BTC: variants seen among roughly 807,000 people sequenced by gnomAD.
BTC encodes the protein probetacellulin.
A neutral mutation model predicts 18.1 loss-of-function variants in BTC; 13 were observed. That is an observed-to-expected ratio of 0.72 (90% CI 0.47 to 1.14). The LOEUF is 1.14. Among genes scored for constraint, BTC ranks in the 50% most tolerant of loss-of-function variants. The pLI, the probability that BTC is intolerant of heterozygous loss-of-function variation, is 0.00. For missense variants in BTC, 247 were observed against 224.2 expected, an observed-to-expected ratio of 1.10 and a Z score of -0.65; for synonymous variants, 83 against 79.4, an observed-to-expected ratio of 1.05 and a Z score of -0.24.
At chr4:74,750,455 T>C in intron 4 of BTC, 118 bp downstream of exon 4, 2 of 1,065,740 alleles carry the variant, frequency 1.9e-6, no homozygotes, top group South Asian at 3.8e-5. Context: ...GCTCAAAAAG[T>C]AAATTTATTT....
rs115837065 is a variant in BTC at position 74,764,435 on chromosome 4, C to T, written c.163+5623G>A. Among the ~76,000 whole-genome samples the T allele has an allele frequency of 4.0e-3, 603 of 152,224 alleles. 7 individuals are homozygous for T. The highest frequency in any genetic ancestry group is 0.014 in the African/African-American group (579 of 41,546). ...AAATTTTGGTGCTGGAAGCAGAAAA[C>T]TGCCTAAGACAACAAAATGGCTTAG... On this transcript the variant is annotated intron_variant, in intron 2 of 5. Coordinates refer to ENST00000395743, the MANE Select transcript of BTC (RefSeq NM_001729.4).
At chr4:74,749,643 C>T (rs889726451) in intron 4 of BTC, among the ~76,000 whole-genome samples, 12 of 144,614 alleles carry the variant, frequency 8.3e-5, no homozygotes, top group African/African-American at 2.8e-4. Context: ...TCTGGGCAAG[C>T]TTCTCAAGAC....
intron 2 of BTC, among the ~76,000 whole-genome samples, chr4:74,765,374 T>C (rs1182676618): frequency 6.6e-6 from 1 of 152,054 alleles, no homozygotes; most frequent in Non-Finnish European, 1.5e-5. Flanking sequence ...CAGCAGACTA[T>C]GTCAAGCGAA....
chr4:74,773,897 C>T (rs1343631200), intron 1 of BTC, among the ~76,000 whole-genome samples: 4 of 151,150 alleles, frequency 2.6e-5, no homozygotes, highest in African/African-American at 9.9e-5. Flanking sequence ...CAGGCATGAG[C>T]CACCAAGCCC....
At position 74,789,075 on chromosome 4, in the gene BTC, G is replaced by A. The variant is rs551829310; in HGVS notation, c.64+5187C>T. Among the ~76,000 whole-genome samples the A allele has an allele frequency of 3.0e-4, 45 of 152,316 alleles. No homozygotes were observed. The South Asian group carries it at 6.6e-3, about 22-fold the overall frequency. ...GCTACTGACCTAGAAGGACTTCCTGGACTATCCCCACTGACATTCATTCAT... is the reference window on the plus strand; with the variant it reads ...GCTACTGACCTAGAAGGACTTCCTGAACTATCCCCACTGACATTCATTCAT... On this transcript the variant is annotated intron_variant, in intron 1 of 5. Transcript: ENST00000395743.
At position 74,749,164 on chromosome 4, in the gene BTC, T is replaced by C. The variant is rs544045945; in HGVS notation, c.429-1015A>G. On this transcript the variant is annotated intron_variant, in intron 4 of 5. Transcript: ENST00000395743. The stretch of plus-strand genomic sequence containing the variant: ...AAGTACTCTGGCCGGGCGCGGTGGC[T>C]CATGCCTGTAATCCCAGCACTTTGG... Among the ~76,000 whole-genome samples the C allele has an allele frequency of 2.6e-5, 4 of 152,068 alleles. No individual in the cohort carries two copies. In the East Asian group the frequency reaches 7.7e-4, roughly 29 times the overall value.
intron 2 of BTC, among the ~76,000 whole-genome samples, chr4:74,768,392 C>T (rs561018451): frequency 8.5e-5 from 13 of 152,184 alleles, no homozygotes; most frequent in African/African-American, 1.9e-4. Flanking sequence ...AAAGAAAGTA[C>T]GGTAGTACAT....
intron 2 of BTC, among the ~76,000 whole-genome samples, chr4:74,764,609 A>C (rs546892723): frequency 6.6e-6 from 1 of 152,336 alleles, no homozygotes; most frequent in Admixed American, 6.5e-5. Context: ...TGCATAAAGA[A>C]AATGTGGTTT....
chr4:74,778,727 G>A (rs781547383), intron 1 of BTC, among the ~76,000 whole-genome samples: 7 of 152,090 alleles, frequency 4.6e-5, no homozygotes, highest in Non-Finnish European at 1.0e-4. Flanking sequence ...TGACCCCTTG[G>A]TGACAGAGAG....
chr4:74,762,792 T>C (rs924228225), intron 2 of BTC, among the ~76,000 whole-genome samples: 6 of 152,186 alleles, frequency 3.9e-5, no homozygotes, highest in Admixed American at 6.5e-5. Flanking sequence ...TTTAAGGTAA[T>C]GCAGTTATTT....
intron 1 of BTC, among the ~76,000 whole-genome samples, chr4:74,774,888 A>C (rs1422265045): frequency 6.6e-6 from 1 of 152,136 alleles, no homozygotes; most frequent in Non-Finnish European, 1.5e-5. Flanking sequence ...ATTCAGACAC[A>C]CCTAAACCAG....
At chr4:74,775,205 A>G (rs909568623) in intron 1 of BTC, among the ~76,000 whole-genome samples, 2 of 152,164 alleles carry the variant, frequency 1.3e-5, no homozygotes, top group African/African-American at 4.8e-5. Flanking sequence ...TGCAGGTTCT[A>G]TTTTGGGGAA....
At chr4:74,778,970 A>C (rs771156895) in intron 1 of BTC, among the ~76,000 whole-genome samples, 10 of 152,170 alleles carry the variant, frequency 6.6e-5, no homozygotes, top group Admixed American at 3.9e-4. Context: ...CATCTGGAGA[A>C]CTGCCTATTC....
At chr4:74,780,992 C>T (rs1210497641) in intron 1 of BTC, among the ~76,000 whole-genome samples, 2 of 151,526 alleles carry the variant, frequency 1.3e-5, no homozygotes, top group Non-Finnish European at 1.5e-5. Context: ...TATCTTTCAA[C>T]CTCAAAAACC....
chr4:74,783,982 C>A (rs112386810), intron 1 of BTC, among the ~76,000 whole-genome samples: 1 of 151,972 alleles, frequency 6.6e-6, no homozygotes, highest in Non-Finnish European at 1.5e-5. Flanking sequence ...CCTGTAATCC[C>A]TGCACTTTGG....
At chr4:74,758,018 C>T (rs1577952176) in intron 2 of BTC, among the ~76,000 whole-genome samples, 1 of 152,014 alleles carries the variant, frequency 6.6e-6, no homozygotes, top group Non-Finnish European at 1.5e-5. Flanking sequence ...ACAGCAATCT[C>T]ATATAAGTAT....
At chr4:74,752,118 T>C (rs1553956244) in intron 3 of BTC, among the ~76,000 whole-genome samples, 1 of 152,096 alleles carries the variant, frequency 6.6e-6, no homozygotes, top group African/African-American at 2.4e-5. Context: ...GCTGAGACAG[T>C]GCTTCAAAAC....
In BTC at chr4:74,745,903, T is replaced by C. The variant is rs912535915; in HGVS notation, c.*774A>G. 1.3e-5 allele frequency: 2 copies of C among 152,166 alleles called. No individual in the cohort carries two copies. The highest frequency in any genetic ancestry group is 2.9e-5 in the Non-Finnish European group (2 of 68,028). The allele number at this position is 152,166 out of a possible 1,614,324, so 9.4% of individuals were successfully genotyped here. A position where few individuals can be genotyped will look rare whatever the true frequency, so the allele number is the denominator to read the frequency against. On this transcript the variant is annotated 3_prime_UTR_variant, in exon 6 of 6. Transcript: ENST00000395743. ...AAAAATGTAGTCACATCATTGAGAA[T>C]TTATAAAGGAGCAAAGAAACATAAT...
At chr4:74,747,924 G>T in intron 5 of BTC, 116 bp downstream of exon 5, 5 of 509,742 alleles carry the variant, frequency 9.8e-6, no homozygotes, top group Non-Finnish European at 1.0e-5. Context: ...TTTATTTTTA[G>T]ATGTTTTTAA....
Sources: gnomAD v4.1 joint callset for allele counts (sites outside exome capture counted in the v4.1 genomes callset) on GRCh38, gnomAD v4.1.1 for gene constraint, MANE v1.5 for transcripts, NCBI Gene and HGNC (gene_info 2026-07-23, HGNC 2026-07-21) for gene names.